The following HSD17B7 variants were observed in gnomAD, a reference collection of about 807,000 sequenced individuals.
The protein encoded by HSD17B7 is hydroxysteroid 17-beta dehydrogenase 7, also known as 3-keto-steroid reductase/17-beta-hydroxysteroid dehydrogenase 7.
In HSD17B7, 17 loss-of-function variants were observed where a neutral mutation model predicts 34.1. The ratio of observed to expected loss-of-function variants is 0.50; its 90% CI spans 0.34 to 0.75. HSD17B7 has a LOEUF of 0.75. Among genes scored for constraint, HSD17B7 ranks in the 30% least tolerant of loss-of-function variants. HSD17B7 has a pLI of 0.01. For synonymous variants in HSD17B7, 122 were observed against 154.6 expected, an observed-to-expected ratio of 0.79 and a Z score of 1.56; for missense variants, 296 against 406.6, an observed-to-expected ratio of 0.73 and a Z score of 2.34.
chr1:162,797,824 A>G lies in HSD17B7; in HGVS notation c.355A>G (p.Thr119Ala), dbSNP rs368354621. The G allele has an allele frequency of 9.3e-6, 15 of 1,613,250 alleles. No individual in the cohort carries two copies. In the African/African-American group the frequency reaches 1.7e-4, roughly 19 times the overall value. The change falls in exon 4 of 9, where the codon ACA becomes GCA. Residue 119 changes from threonine to alanine, a missense_variant. By Grantham distance (58) the Thr-to-Ala change is moderately conservative. Transcript: ENST00000254521. Reference sequence around the variant, plus strand: ...CAGAAAAGTGATTCATATGTTCTCCACAGCTGAAGGCCTGCTGACCCAGGG... The same window carrying G: ...CAGAAAAGTGATTCATATGTTCTCCGCAGCTGAAGGCCTGCTGACCCAGGG... ...FSRKVIHMFS[T>A]AEGLLTQGDK... is the part of the protein sequence containing the mutation.
At chr1:162,811,443 A>C (rs1649167568) in intron 8 of HSD17B7, among the ~76,000 whole-genome samples, 1 of 152,214 alleles carries the variant, frequency 6.6e-6, no homozygotes, top group Non-Finnish European at 1.5e-5. Context: ...TTGTGAACAA[A>C]GAGGCTGTTC....
At chr1:162,804,758 G>A (rs1381488714) in intron 7 of HSD17B7, among the ~76,000 whole-genome samples, 3 of 152,218 alleles carry the variant, frequency 2.0e-5, no homozygotes, top group Admixed American at 6.5e-5. Flanking sequence ...TCTCTTAGAA[G>A]ATCAAGTTGT....
rs569296375 is a variant in HSD17B7 at position 162,809,741 on chromosome 1, A to G, written c.904-2557A>G. On this transcript the variant is annotated intron_variant, in intron 8 of 8. Transcript: ENST00000254521. ...TTTATCCATTTCTTCTAGATTTTCTAGTTTATTTGCGTAGAGGTGTTTATA... is the reference window on the plus strand; with the variant it reads ...TTTATCCATTTCTTCTAGATTTTCTGGTTTATTTGCGTAGAGGTGTTTATA... 4.6e-3 allele frequency among the ~76,000 whole-genome samples: 704 copies of G among 152,096 alleles called. 5 individuals are homozygous for G. The highest frequency in any genetic ancestry group is 0.016 in the African/African-American group (660 of 41,452).
chr1:162,793,031 CTT>C (rs201857530), intron 2 of HSD17B7, 169 bp downstream of exon 2: 65 of 352,964 alleles, frequency 1.8e-4, no homozygotes, highest in African/African-American at 9.2e-4. Context: ...CGTTTTCTTT[CTT>C]TTTTTTTTTT....
At chr1:162,794,331 G>A (rs1485436663) in intron 2 of HSD17B7, among the ~76,000 whole-genome samples, 1 of 152,066 alleles carries the variant, frequency 6.6e-6, no homozygotes, top group Non-Finnish European at 1.5e-5. Flanking sequence ...GCATTTGCCT[G>A]TTCCAAATGC....
rs1237626800 is a variant in HSD17B7 at position 162,791,701 on chromosome 1, G to T, written c.35+866G>T. 2.0e-5 allele frequency among the ~76,000 whole-genome samples: 3 copies of T among 150,034 alleles called. 1 individual carries two copies. Among genetic ancestry groups the T allele is most frequent in the African/African-American group, 7.4e-5 (3 of 40,338 alleles). Reference sequence around the variant, plus strand: ...TTGATTGGTGCTTCTTATGTGGAAGGTACTGAGTAAGTCAGAATTGATTTT... The same window carrying T: ...TTGATTGGTGCTTCTTATGTGGAAGTTACTGAGTAAGTCAGAATTGATTTT... On this transcript the variant is annotated intron_variant, in intron 1 of 8. Transcript: ENST00000254521.
chr1:162,798,007 A>G, intron 4 of HSD17B7, 91 bp downstream of exon 4: 1 of 1,451,740 alleles, frequency 6.9e-7, no homozygotes, highest in Non-Finnish European at 9.2e-7. Context: ...TTGAGCAGCC[A>G]GTTAACTGAT....
rs760070303 is a variant in HSD17B7 at position 162,790,785 on chromosome 1, G to A, written c.-16G>A. On this transcript the variant is annotated 5_prime_UTR_variant, in exon 1 of 9. The change creates a new upstream start codon in the 5' untranslated region. Coordinates refer to ENST00000254521, the MANE Select transcript of HSD17B7 (RefSeq NM_016371.4). ...GCGGTGTTTGCTTCACTGCTTGGAAGTGTGAGTGCGCGAAGATGCGAAAGG... is the reference window on the plus strand; with the variant it reads ...GCGGTGTTTGCTTCACTGCTTGGAAATGTGAGTGCGCGAAGATGCGAAAGG... The A allele has an allele frequency of 1.2e-6, 2 of 1,609,162 alleles. No homozygotes were observed. Among genetic ancestry groups the A allele is most frequent in the Admixed American group, 3.3e-5 (2 of 59,720 alleles).
intron 2 of HSD17B7, among the ~76,000 whole-genome samples, chr1:162,794,532 A>G (rs1207148636): frequency 6.6e-6 from 1 of 152,192 alleles, no homozygotes; most frequent in Non-Finnish European, 1.5e-5. Flanking sequence ...GATATATTCC[A>G]TATCCCCTAC....
intron 1 of HSD17B7, among the ~76,000 whole-genome samples, chr1:162,792,030 A>T (rs1283172309): frequency 3.3e-5 from 5 of 152,156 alleles, no homozygotes; most frequent in Non-Finnish European, 1.5e-5. Flanking sequence ...TGGTGTACTC[A>T]TCTAATATTT....
chr1:162,790,918 C>A (rs1456213136), intron 1 of HSD17B7, 83 bp downstream of exon 1: 23 of 992,362 alleles, frequency 2.3e-5, no homozygotes, highest in Non-Finnish European at 3.4e-5. Flanking sequence ...CACGAACGGA[C>A]CCCGGAAGCG....
intron 5 of HSD17B7, among the ~76,000 whole-genome samples, chr1:162,800,797 G>T (rs1472783626): frequency 6.6e-6 from 1 of 152,212 alleles, no homozygotes; most frequent in Admixed American, 6.5e-5. Flanking sequence ...CACTGGGCCA[G>T]GTTTAGGGTT....
At chr1:162,811,872 C>T (rs556402423) in intron 8 of HSD17B7, among the ~76,000 whole-genome samples, 189 of 152,344 alleles carry the variant, frequency 1.2e-3, no homozygotes, top group African/African-American at 4.3e-3. Flanking sequence ...GCTGAAGTAT[C>T]GTCTTATATC....
At chr1:162,807,796 C>G (rs1286056804) in intron 8 of HSD17B7, among the ~76,000 whole-genome samples, 1 of 152,074 alleles carries the variant, frequency 6.6e-6, no homozygotes, top group African/African-American at 2.4e-5. Context: ...CTGTTCATAT[C>G]CTTTGCCCAC....
rs1406913577 is a variant in HSD17B7 at position 162,807,508 on chromosome 1, C to G, written c.903+2016C>G. 3.3e-5 allele frequency among the ~76,000 whole-genome samples: 5 copies of G among 152,258 alleles called. No homozygotes were observed. The South Asian group carries it at 6.2e-4, about 19-fold the overall frequency. Reference sequence around the variant, plus strand: ...ATACCCAGGAATGGGATGGCTGGGTCAAATGGTATTTCTAGTTCTAGATCC... The same window carrying G: ...ATACCCAGGAATGGGATGGCTGGGTGAAATGGTATTTCTAGTTCTAGATCC... On this transcript the variant is annotated intron_variant, in intron 8 of 8. Coordinates refer to ENST00000254521, the MANE Select transcript of HSD17B7 (RefSeq NM_016371.4).
At chr1:162,804,492 A>G (rs533329505) in intron 7 of HSD17B7, among the ~76,000 whole-genome samples, 169 bp downstream of exon 7, 2 of 152,348 alleles carry the variant, frequency 1.3e-5, no homozygotes, top group Admixed American at 6.5e-5. Flanking sequence ...AGCACAGAAC[A>G]TTAGGAGTGA....
intron 8 of HSD17B7, among the ~76,000 whole-genome samples, chr1:162,809,225 A>C (rs1473172704): frequency 6.6e-6 from 1 of 152,176 alleles, no homozygotes; most frequent in Non-Finnish European, 1.5e-5. Flanking sequence ...TGTTGAGATA[A>C]TCATTTGGTT....
At chr1:162,794,935 T>G (rs575770607) in intron 2 of HSD17B7, among the ~76,000 whole-genome samples, 1 of 152,328 alleles carries the variant, frequency 6.6e-6, no homozygotes, top group African/African-American at 2.4e-5. Flanking sequence ...GCAGTGAGGC[T>G]GTGGGGCAGA....
chr1:162,801,210 A>G (rs571346818), intron 5 of HSD17B7, among the ~76,000 whole-genome samples: 47 of 152,332 alleles, frequency 3.1e-4, no homozygotes, highest in African/African-American at 1.1e-3. Flanking sequence ...TCCTGACCTC[A>G]GGTATCTGCC....
Sources: gnomAD v4.1 joint callset for allele counts (sites outside exome capture counted in the v4.1 genomes callset) on GRCh38, gnomAD v4.1.1 for gene constraint, MANE v1.5 for transcripts, NCBI Gene and HGNC (gene_info 2026-07-23, HGNC 2026-07-21) for gene names.